The following ST7 variants were observed in gnomAD, a reference collection of about 807,000 sequenced individuals.
ST7 encodes suppression of tumorigenicity 7.
Under a neutral mutation model 78.7 loss-of-function variants are expected in ST7, and 28 were observed. The observed-to-expected ratio is 0.36, with a 90% CI of 0.26 to 0.49. The LOEUF (loss-of-function observed/expected upper bound fraction) is 0.49. ST7 is among the 20% of genes least tolerant of loss of function. The pLI is 0.99. For missense variants in ST7, 418 were observed against 696.0 expected (o/e 0.60, Z 4.49); for synonymous variants, 247 against 249.6 (o/e 0.99, Z 0.10).
intron 1 of ST7, chr7:116,954,221 G>A (rs1043161374): frequency 6.6e-6 from 1 of 152,042 alleles, no homozygotes; most frequent in African/African-American, 2.4e-5. Flanking sequence ...TGACCCGGCC[G>A]GGCTGTCCGG....
At chr7:117,183,952 G>T (rs1809004865) in intron 10 of ST7, among the ~76,000 whole-genome samples, 1 of 152,210 alleles carries the variant, frequency 6.6e-6, no homozygotes, top group Admixed American at 6.5e-5. Flanking sequence ...GCTACAACAT[G>T]GATGAATCTC....
At chr7:117,098,424 TGCCACCCA>T (rs1331003765) in intron 1 of ST7, among the ~76,000 whole-genome samples, 2 of 152,136 alleles carry the variant, frequency 1.3e-5, no homozygotes, top group Non-Finnish European at 2.9e-5. Flanking sequence ...ACTTCCTCCC[TGCCACCCA>T]GCCTGGGATG....
intron 1 of ST7, among the ~76,000 whole-genome samples, chr7:117,040,276 G>GC (rs1797138525): frequency 6.6e-6 from 1 of 152,094 alleles, no homozygotes; most frequent in Admixed American, 6.5e-5. Flanking sequence ...GGAGGCTGAG[G>GC]CAGGAGAATT....
intron 14 of ST7, among the ~76,000 whole-genome samples, chr7:117,221,220 G>A (rs917437235): frequency 6.6e-6 from 1 of 152,074 alleles, no homozygotes; most frequent in African/African-American, 2.4e-5. Context: ...AATTATAGAG[G>A]GCACTCTAAA....
At chr7:117,175,356 C>T (rs1808273758) in intron 10 of ST7, among the ~76,000 whole-genome samples, 1 of 152,190 alleles carries the variant, frequency 6.6e-6, no homozygotes, top group African/African-American at 2.4e-5. Context: ...AAACTTAAGT[C>T]CCAAAGATTA....
At chr7:117,156,407 G>A (rs935758243) in intron 9 of ST7, among the ~76,000 whole-genome samples, 11 of 152,192 alleles carry the variant, frequency 7.2e-5, no homozygotes, top group East Asian at 3.8e-4. Flanking sequence ...GGAGAGGGAC[G>A]GGTTTTAAAT....
chr7:116,996,153 C>G (rs1006778795), intron 1 of ST7, among the ~76,000 whole-genome samples: 15 of 150,404 alleles, frequency 1.0e-4, no homozygotes, highest in Non-Finnish European at 1.6e-4. Flanking sequence ...ACAGTCTCAG[C>G]TCACTGCAAC....
At chr7:117,227,014 G>A (rs751977246) in intron 15 of ST7, among the ~76,000 whole-genome samples, 1 of 152,186 alleles carries the variant, frequency 6.6e-6, no homozygotes, top group Non-Finnish European at 1.5e-5. Flanking sequence ...ACATCAACCA[G>A]GATGAAGCTT....
intron 1 of ST7, among the ~76,000 whole-genome samples, chr7:117,078,254 A>C (rs1799500280): frequency 6.6e-6 from 1 of 152,248 alleles, no homozygotes; most frequent in Non-Finnish European, 1.5e-5. Context: ...AATCCAAAGC[A>C]TAGCTTGTAA....
At chr7:116,976,735 G>A (rs911596284) in intron 1 of ST7, among the ~76,000 whole-genome samples, 1 of 152,138 alleles carries the variant, frequency 6.6e-6, no homozygotes, top group African/African-American at 2.4e-5. Context: ...TCTAGTACAG[G>A]GAGGGTGTGA....
chr7:117,209,705 G>T, intron 12 of ST7, 82 bp from the exon 13 acceptor site: 1 of 1,494,492 alleles, frequency 6.7e-7, no homozygotes, highest in Non-Finnish European at 9.0e-7. Context: ...GTGGCTTTAG[G>T]GAAATCAACT....
At chr7:117,160,247 G>A (rs66712584) in intron 9 of ST7, among the ~76,000 whole-genome samples, 84 of 146,532 alleles carry the variant, frequency 5.7e-4, no homozygotes, top group Middle Eastern at 3.5e-3. Flanking sequence ...AAAAAAAAAA[G>A]AAAGAAAGAA....
chr7:117,201,678 C>T (rs1406440088), intron 12 of ST7, among the ~76,000 whole-genome samples: 1 of 151,998 alleles, frequency 6.6e-6, no homozygotes, highest in Non-Finnish European at 1.5e-5. Flanking sequence ...CCCACCTCAG[C>T]CTCCACCTTA....
chr7:117,130,682 T>A, intron 5 of ST7, 76 bp downstream of exon 5: 2 of 1,043,832 alleles, frequency 1.9e-6, no homozygotes, highest in Non-Finnish European at 2.9e-6. Context: ...TTTTAGAATA[T>A]CCACTCTGTA....
At chr7:117,138,380 G>A in intron 8 of ST7, 55 bp from the exon 9 acceptor site, 3 of 1,212,726 alleles carry the variant, frequency 2.5e-6, no homozygotes, top group Non-Finnish European at 1.2e-6. Context: ...AAGGCAAATG[G>A]GCCTCTGTAT....
intron 13 of ST7, among the ~76,000 whole-genome samples, chr7:117,214,879 A>T (rs1479737808): frequency 1.3e-5 from 2 of 151,970 alleles, no homozygotes; most frequent in Non-Finnish European, 2.9e-5. Flanking sequence ...ATCAAGATGA[A>T]TAAGAATCTG....
intron 15 of ST7, among the ~76,000 whole-genome samples, chr7:117,224,357 A>G (rs1793306207): frequency 6.6e-6 from 1 of 152,060 alleles, no homozygotes; most frequent in African/African-American, 2.4e-5. Flanking sequence ...CATGATTTCT[A>G]CACCCATTAT....
chr7:117,217,514 A>C (rs1218378401), intron 13 of ST7, among the ~76,000 whole-genome samples: 1 of 152,094 alleles, frequency 6.6e-6, no homozygotes, highest in Non-Finnish European at 1.5e-5. Context: ...TGTTCTCTTG[A>C]AAGTCTGGTT....
rs143382121 is a variant in ST7 at position 117,047,713 on chromosome 7, G to A, written c.152-52049G>A. Among the ~76,000 whole-genome samples, 4 of 152,274 alleles carry A rather than the reference G, an allele frequency of 2.6e-5. No homozygotes were observed. In the East Asian group the frequency reaches 7.7e-4, roughly 29 times the overall value. On this transcript the variant is annotated intron_variant, in intron 1 of 15. Transcript: ENST00000323984. ...CTTAATACCAGGTGTTTGGAGGCTG[G>A]GGATGTTTTTCGTGGTTATAAGTCT...
Sources: gnomAD v4.1 joint callset for allele counts (sites outside exome capture counted in the v4.1 genomes callset) on GRCh38, gnomAD v4.1.1 for gene constraint, MANE v1.5 for transcripts, NCBI Gene and HGNC (gene_info 2026-07-23, HGNC 2026-07-21) for gene names.